PDK2: variants seen among roughly 807,000 people sequenced by gnomAD.
PDK2 encodes the protein pyruvate dehydrogenase kinase 2, also known as pyruvate dehydrogenase kinase, isozyme 2.
Under a neutral mutation model 50.4 loss-of-function variants are expected in PDK2, and 34 were observed. The observed-to-expected ratio is 0.68, with a 90% CI of 0.51 to 0.90. PDK2 has a LOEUF of 0.90. PDK2 is among the 40% of genes least tolerant of loss of function. The pLI, the probability that PDK2 is intolerant of heterozygous loss-of-function variation, is 0.00. For missense variants in PDK2, 377 were observed against 544.5 expected (o/e 0.69, Z 3.06); for synonymous variants, 232 against 216.0 (o/e 1.07, Z -0.65).
chr17:50,095,607 G>A, intron 1 of PDK2, 54 bp downstream of exon 1: 1 of 1,513,470 alleles, frequency 6.6e-7, no homozygotes, highest in Non-Finnish European at 9.0e-7. Context: ...GCGCTGGGAG[G>A]GGCAGCCGGG....
At position 50,111,328 on chromosome 17, in the gene PDK2, A is replaced by C. The variant is rs1305536332; in HGVS notation, c.*1231A>C. 1 of 152,294 alleles carries C rather than the reference A, an allele frequency of 6.6e-6. No homozygotes were observed. The highest frequency in any genetic ancestry group is 2.4e-5 in the African/African-American group (1 of 41,468). The allele number at this position is 152,294 out of a possible 1,614,324, so 9.4% of individuals were successfully genotyped here. A position where few individuals can be genotyped will look rare whatever the true frequency, so the allele number is the denominator to read the frequency against. On this transcript the variant is annotated 3_prime_UTR_variant, in exon 11 of 11. Transcript: ENST00000503176. ...CAGAAATTCTGGTCACTGGCACATC[A>C]TAAGGATTTATTGAAATAAATTGAG... is the stretch of plus-strand genomic sequence containing the variant.
rs1269802144 is a variant in PDK2, at chr17:50,109,454, T to A, written c.1083+54T>A. ...GGAGAAGAGCTTTGCTGATAGGACC[T>A]GGGCAGCCTTGGCCAGCTGCGAGCT... On this transcript the variant is annotated intron_variant, in intron 10 of 10. Transcript: ENST00000503176. The surrounding 1 kb of genome is among the most constrained non-coding windows in gnomAD (Gnocchi z 5.0). 4.3e-6 allele frequency: 5 copies of A among 1,174,694 alleles called. No homozygotes were observed. In the African/African-American group the frequency reaches 6.1e-5, roughly 14 times the overall value. 72.8% of individuals were successfully genotyped at this position (1,174,694 alleles called of 1,614,324 possible). A position where few individuals can be genotyped will look rare whatever the true frequency, so the allele number is the denominator to read the frequency against.
Position 50,109,379 on chromosome 17 carries a change from C to G in PDK2, c.1062C>G (p.Thr354=), listed in dbSNP as rs139504451. The part of the protein sequence containing the change: ...LQLFSMEGFG[T]DAVIYLKALS... ...TCTTCTCCATGGAAGGCTTTGGGAC[C>G]GATGCTGTCATCTATCTCAAGGTGA... Residue 354 remains threonine, a synonymous_variant, in exon 10 of 11, where the codon ACC becomes ACG. Coordinates refer to ENST00000503176, the MANE Select transcript of PDK2 (RefSeq NM_002611.5). The surrounding 1 kb of genome is among the most constrained non-coding windows in gnomAD (Gnocchi z 5.0). 1 of 1,611,268 alleles carries G rather than the reference C, an allele frequency of 6.2e-7. No individual in the cohort carries two copies. The highest frequency in any genetic ancestry group is 8.5e-7 in the Non-Finnish European group (1 of 1,178,036).
At chr17:50,096,404 A>T in intron 1 of PDK2, 1 of 637,800 alleles carries the variant, frequency 1.6e-6, no homozygotes, top group Non-Finnish European at 2.0e-6. Context: ...TGGTATTTCC[A>T]TGGTGCCAGC....
At chr17:50,095,818 G>T (rs541920717) in intron 1 of PDK2, 1 of 1,247,914 alleles carries the variant, frequency 8.0e-7, no homozygotes, top group Non-Finnish European at 1.0e-6. Flanking sequence ...AGAGTAAGGG[G>T]CAGTGAAGCT....
upstream of PDK2, chr17:50,095,268 A>AC (rs1356681860): frequency 5.3e-6 from 3 of 565,622 alleles, no homozygotes; most frequent in African/African-American, 5.9e-5. Context: ...GTTGTTTGTG[A>AC]GTGGCCATTG....
chr17:50,106,044 C>T lies in PDK2; in HGVS notation c.492C>T (p.Ser164=). The T allele has an allele frequency of 1.2e-6, 2 of 1,606,172 alleles. No homozygotes were observed. Among genetic ancestry groups the T allele is most frequent in the Non-Finnish European group, 8.5e-7 (1 of 1,176,398 alleles). Reference sequence around the variant, plus strand: ...ACCGCTTCTACCTCAGCCGCATCTCCATCCGCATGCTCATCAACCAGCACA... The same window carrying T: ...ACCGCTTCTACCTCAGCCGCATCTCTATCCGCATGCTCATCAACCAGCACA... ...FLDRFYLSRI[S]IRMLINQHTL... The change falls in exon 4 of 11, where the codon TCC becomes TCT. Residue 164 remains serine (S), a synonymous_variant. Transcript: ENST00000503176.
At position 50,108,229 on chromosome 17, in the gene PDK2, C is replaced by T. The variant is rs1910623027; in HGVS notation, c.759C>T (p.Phe253=). The T allele has an allele frequency of 1.3e-6, 2 of 1,599,054 alleles. No homozygotes were observed. The highest frequency in any genetic ancestry group is 3.5e-5 in the Admixed American group (2 of 57,832). ...SHLYHMLFEL[F]KNAMRATVES... ...TCTACCACATGCTCTTTGAGCTCTTCAAGGTGAGGAGGCTGGGAGCCGGTG... is the reference window on the plus strand; with the variant it reads ...TCTACCACATGCTCTTTGAGCTCTTTAAGGTGAGGAGGCTGGGAGCCGGTG... The change falls in exon 7 of 11, where the codon TTC becomes TTT. Residue 253 remains phenylalanine (F), a synonymous_variant. Transcript: ENST00000503176.
intron 2 of PDK2, among the ~76,000 whole-genome samples, chr17:50,103,673 A>G (rs1420844907): frequency 6.6e-6 from 1 of 152,068 alleles, no homozygotes. Context: ...TGGTTCTTTC[A>G]CTCTCTTCTC....
At chr17:50,097,381 A>G (rs1167369897) in intron 1 of PDK2, 42 bp from the exon 2 acceptor site, 1 of 1,607,160 alleles carries the variant, frequency 6.2e-7, no homozygotes, top group East Asian at 2.2e-5. Context: ...TTTGGCTTTC[A>G]TAGTCTGTGG....
At chr17:50,106,114 G>A (rs752103129) in intron 4 of PDK2, 45 bp downstream of exon 4, 17 of 1,555,056 alleles carry the variant, frequency 1.1e-5, no homozygotes, top group Middle Eastern at 1.7e-4. Context: ...TGGGGGGGGC[G>A]GTGCTGGGGC....
chr17:50,095,578 G>A, intron 1 of PDK2, 25 bp downstream of exon 1: 1 of 1,572,878 alleles, frequency 6.4e-7, no homozygotes, highest in Non-Finnish European at 8.7e-7. Flanking sequence ...GGAGGCGGCT[G>A]GCAGCGGAGG....
intron 2 of PDK2, among the ~76,000 whole-genome samples, chr17:50,104,702 G>A (rs1223409764): frequency 6.6e-6 from 1 of 152,202 alleles, no homozygotes; most frequent in East Asian, 1.9e-4. Flanking sequence ...GAGCTTCTCT[G>A]GACTCTCCAT....
rs1287472178 is a variant in PDK2, at chr17:50,096,251, C to T, written c.118+698C>T. ...CAGGCACCGTGATGTGGAGTCAAGC[C>T]GCCTATACCTCCCTTGGCTGCCCCA... On this transcript the variant is annotated intron_variant, in intron 1 of 10. Transcript: ENST00000503176. The T allele has an allele frequency of 1.0e-5, 10 of 985,364 alleles. No individual in the cohort carries two copies. In the African/African-American group the frequency reaches 1.6e-4, roughly 15 times the overall value. 61.0% of individuals were successfully genotyped at this position (985,364 alleles called of 1,614,324 possible).
chr17:50,107,037 T>G (rs766250882), intron 5 of PDK2, 39 bp from the exon 6 acceptor site: 1 of 1,580,412 alleles, frequency 6.3e-7, no homozygotes, highest in Non-Finnish European at 8.7e-7. Flanking sequence ...GCCTGCTGGG[T>G]GGGCCACCCA....
At chr17:50,104,747 C>T (rs952520486) in intron 2 of PDK2, among the ~76,000 whole-genome samples, 2 of 152,226 alleles carry the variant, frequency 1.3e-5, no homozygotes, top group Admixed American at 6.5e-5. Flanking sequence ...GAGCCAGGCA[C>T]GCCCACCCCA....
chr17:50,099,135 T>C (rs7208116), intron 2 of PDK2, among the ~76,000 whole-genome samples: 7,911 of 151,968 alleles, frequency 0.052, 634 homozygotes, highest in African/African-American at 0.18. Context: ...ACACTTCCCA[T>C]CGTGGGTGGT....
At chr17:50,096,079 T>G in intron 1 of PDK2, 3 of 982,234 alleles carry the variant, frequency 3.1e-6, no homozygotes, top group Non-Finnish European at 3.6e-6. Flanking sequence ...GGGGGCTCTT[T>G]CAGAAGATGC....
chr17:50,097,713 G>A (rs1382520995), intron 2 of PDK2, 149 bp downstream of exon 2: 6 of 815,896 alleles, frequency 7.4e-6, no homozygotes, highest in Non-Finnish European at 1.1e-5. Flanking sequence ...GAGTTGCCTA[G>A]GGTCACGTGG....
Sources: allele counts gnomAD v4.1 joint callset (sites outside exome capture counted in the v4.1 genomes callset), GRCh38; gene constraint gnomAD v4.1.1; non-coding constraint Gnocchi (gnomAD v3.1); transcripts MANE v1.5; gene names NCBI Gene and HGNC (gene_info 2026-07-23, HGNC 2026-07-21).